Variants in PIAS2 observed in about 807,000 individuals in gnomAD.
PIAS2 encodes the protein E3 SUMO-protein ligase PIAS2.
PIAS2 carries 19 observed loss-of-function variants against 69.7 expected under a neutral mutation model. That is an observed-to-expected ratio of 0.27 (90% CI 0.19 to 0.40). The LOEUF is 0.40. PIAS2 is among the 10% of genes least tolerant of loss of function. The probability of loss-of-function intolerance (pLI) is 1.00; values close to 1 mark genes in which losing one functional copy is unlikely to be tolerated. For synonymous variants in PIAS2, 261 were observed against 263.2 expected (o/e 0.99, Z 0.08); for missense variants, 624 against 757.0 (o/e 0.82, Z 2.06).
intron 1 of PIAS2, among the ~76,000 whole-genome samples, chr18:46,913,587 T>C (rs1414771677): frequency 6.9e-6 from 1 of 145,542 alleles, no homozygotes; most frequent in Non-Finnish European, 1.5e-5. Context: ...GTCACTACAA[T>C]AGATCCCCCT....
At chr18:46,820,092 C>T (rs2042004282) in intron 12 of PIAS2, among the ~76,000 whole-genome samples, 1 of 152,114 alleles carries the variant, frequency 6.6e-6, no homozygotes, top group Admixed American at 6.6e-5. Flanking sequence ...CTCCATCATG[C>T]TCCATCCCAC....
chr18:46,812,466 T>C lies in PIAS2; in HGVS notation c.1833A>G (p.Gly611=), dbSNP rs763949862. 3 of 1,612,666 alleles carry C rather than the reference T, an allele frequency of 1.9e-6. No homozygotes were observed. In the South Asian group the frequency reaches 3.3e-5, roughly 18 times the overall value. ...ATGAGATGATGTCAGGAATGTTACT[T>C]CCACTGCTGGTTATGACCCCTGTCT... ...RSETGVITSS[G]SNIPDIISLD Residue 611 remains glycine (G), a synonymous_variant, in exon 14 of 14, where the codon GGA becomes GGG. Transcript: ENST00000585916.
intron 2 of PIAS2, among the ~76,000 whole-genome samples, chr18:46,886,564 G>A (rs756788999): frequency 6.6e-6 from 1 of 152,200 alleles, no homozygotes; most frequent in African/African-American, 2.4e-5. Flanking sequence ...TTGGCCAGGT[G>A]CAGTGGATCA....
chr18:46,916,400 A>AT (rs2057899275), intron 1 of PIAS2, among the ~76,000 whole-genome samples: 2 of 134,656 alleles, frequency 1.5e-5, no homozygotes, highest in African/African-American at 3.0e-5. Flanking sequence ...ACCTTGATAC[A>AT]TTTAAAAAAA....
chr18:46,865,854 A>T (rs72909191), intron 2 of PIAS2, among the ~76,000 whole-genome samples: 8,746 of 152,302 alleles, frequency 0.057, 301 homozygotes, highest in Non-Finnish European at 0.081. Flanking sequence ...ATGGAGCATC[A>T]AACACAGAAA....
intron 8 of PIAS2, 66 bp downstream of exon 8, chr18:46,843,988 T>C: frequency 1.1e-6 from 1 of 928,880 alleles, no homozygotes; most frequent in Non-Finnish European, 1.6e-6. Flanking sequence ...CCACACTTAC[T>C]TTTATAGGAA....
intron 3 of PIAS2, among the ~76,000 whole-genome samples, chr18:46,863,751 G>C (rs1177049537): frequency 6.6e-6 from 1 of 152,124 alleles, no homozygotes; most frequent in African/African-American, 2.4e-5. Context: ...CCTTTCATGA[G>C]AGAAACAGGT....
At chr18:46,839,858 T>C in intron 8 of PIAS2, among the ~76,000 whole-genome samples, 1 of 120,080 alleles carries the variant, frequency 8.3e-6, no homozygotes, top group African/African-American at 3.3e-5. Context: ...AGAGCAAAAC[T>C]CTGTCAAAAA....
At chr18:46,876,697 ATTTT>A (rs57650764) in intron 2 of PIAS2, among the ~76,000 whole-genome samples, 4 of 142,938 alleles carry the variant, frequency 2.8e-5, no homozygotes, top group Non-Finnish European at 1.5e-5. Context: ...CCCTTTACTA[ATTTT>A]TTTTTTTTTT....
chr18:46,844,223 C>T, intron 7 of PIAS2, 96 bp from the exon 8 acceptor site: 1 of 497,766 alleles, frequency 2.0e-6, no homozygotes, highest in Non-Finnish European at 3.5e-6. Context: ...CAAAATGTTA[C>T]ATATTAATGT....
At position 46,911,853 on chromosome 18, in the gene PIAS2, C is replaced by T. The variant is rs143762590; in HGVS notation, c.24+5469G>A. Among the ~76,000 whole-genome samples the T allele has an allele frequency of 6.3e-3, 959 of 152,276 alleles. 7 individuals are homozygous for T. Among genetic ancestry groups the T allele is most frequent in the African/African-American group, 0.022 (901 of 41,566 alleles). On this transcript the variant is annotated intron_variant, in intron 1 of 13. Transcript: ENST00000585916. ...ATCACCGGAGGTCAGGAGTTCAAGA[C>T]CAGCCTGACCAACATGGTGAAACCC...
At chr18:46,876,059 G>A (rs542249955) in intron 2 of PIAS2, among the ~76,000 whole-genome samples, 2 of 152,174 alleles carry the variant, frequency 1.3e-5, no homozygotes, top group Non-Finnish European at 2.9e-5. Context: ...AAGCCATTCC[G>A]AGAGCTGACC....
intron 8 of PIAS2, among the ~76,000 whole-genome samples, chr18:46,837,358 T>C (rs578009145): frequency 1.3e-5 from 2 of 152,294 alleles, no homozygotes; most frequent in African/African-American, 4.8e-5. Context: ...TTTTAAGTGG[T>C]AGTTGAGCCT....
At chr18:46,892,765 G>A (rs1046253199) in intron 1 of PIAS2, among the ~76,000 whole-genome samples, 4 of 151,886 alleles carry the variant, frequency 2.6e-5, no homozygotes, top group African/African-American at 2.4e-5. Context: ...TATTAAGACT[G>A]TCTCAAAAAT....
intron 12 of PIAS2, 29 bp from the exon 13 acceptor site, chr18:46,815,378 G>T (rs1238053799): frequency 6.2e-7 from 1 of 1,608,398 alleles, no homozygotes; most frequent in Non-Finnish European, 8.5e-7. Context: ...GTTAATAGTT[G>T]TCTCATATTT....
chr18:46,865,724 T>A (rs2145627738), intron 2 of PIAS2, among the ~76,000 whole-genome samples: 1 of 152,282 alleles, frequency 6.6e-6, no homozygotes, highest in Non-Finnish European at 1.5e-5. Flanking sequence ...ATTATTCTCC[T>A]AGAAATGTCA....
At chr18:46,848,493 C>T (rs1164240675) in intron 5 of PIAS2, among the ~76,000 whole-genome samples, 1 of 152,074 alleles carries the variant, frequency 6.6e-6, no homozygotes, top group Admixed American at 6.6e-5. Context: ...TTCGGCAATG[C>T]TAAAATATGC....
chr18:46,844,725 ATTAC>A lies in PIAS2; in HGVS notation c.967+5_967+8del, dbSNP rs1568477778. 9.1e-7 allele frequency: 1 copy of A among 1,100,456 alleles called. No homozygotes were observed. Among genetic ancestry groups the A allele is most frequent in the Non-Finnish European group, 1.3e-6 (1 of 798,180 alleles). 68.2% of individuals were successfully genotyped at this position (1,100,456 alleles called of 1,614,324 possible). A position where few individuals can be genotyped will look rare whatever the true frequency, so the allele number is the denominator to read the frequency against. On this transcript the variant is annotated splice_donor_5th_base_variant and intron_variant, in intron 7 of 13. Transcript: ENST00000585916. ...TTTTAAATGCTTGGTCTTATTAAAC[ATTAC>A]TTACTTAGTGCTCTGGAATGATCAG...
intron 2 of PIAS2, among the ~76,000 whole-genome samples, chr18:46,867,778 A>G (rs2049715634): frequency 6.6e-6 from 1 of 152,146 alleles, no homozygotes; most frequent in Admixed American, 6.5e-5. Flanking sequence ...TGGGGTCTTT[A>G]TCAACCTCCC....
Sources: allele counts gnomAD v4.1 joint callset (sites outside exome capture counted in the v4.1 genomes callset), GRCh38; gene constraint gnomAD v4.1.1; transcripts MANE v1.5; gene names NCBI Gene and HGNC (gene_info 2026-07-23, HGNC 2026-07-21).